The following CUX1 variants were observed in gnomAD, a reference collection of about 807,000 sequenced individuals.
CUX1 encodes the protein protein CASP.
In CUX1, 31 loss-of-function variants were observed where a neutral mutation model predicts 158.8. The observed-to-expected ratio is 0.20, with a 90% confidence interval of 0.15 to 0.26. The LOEUF (loss-of-function observed/expected upper bound fraction) is 0.26, where lower values mean the gene tolerates loss of function less well. CUX1 is among the 10% of genes least tolerant of loss of function. The pLI is 1.00. For synonymous variants in CUX1, 879 were observed against 862.1 expected, an observed-to-expected ratio of 1.02 and a Z score of -0.34; for missense variants, 1,589 against 2,014.6, an observed-to-expected ratio of 0.79 and a Z score of 4.04.
rs149897433 is a variant in CUX1, at chr7:101,839,648, TTGTC to T, written c.30+21982_30+21985del. ...CTTTTCAGATTTCGCCTTTTGTAAA[TTGTC>T]TGGTCATATATTTTGTCCTCTTTTT... On this transcript the variant is annotated intron_variant, in intron 1 of 23. Transcript: ENST00000292535. 3.6e-3 allele frequency among the ~76,000 whole-genome samples: 555 copies of T among 152,360 alleles called. 2 individuals are homozygous for T. The highest frequency in any genetic ancestry group is 0.013 in the African/African-American group (521 of 41,584).
chr7:101,816,028 A>G, upstream of CUX1: 1 of 1,426,966 alleles, frequency 7.0e-7, no homozygotes, highest in Non-Finnish European at 9.4e-7. Flanking sequence ...AATATGTCTC[A>G]AGATGGCGGC....
Position 102,182,291 on chromosome 7 carries a change from CTT to C in CUX1, c.1017+3637_1017+3638del, listed in dbSNP as rs538220513. ...AAGCAGAAGGCTTATTGGGCAGAAT[CTT>C]TTGTCCTGAGTTCACTGAGTTGTTT... On this transcript the variant is annotated intron_variant, in intron 11 of 23. Coordinates refer to ENST00000292535, the MANE Select transcript of CUX1 (RefSeq NM_181552.4). Among the ~76,000 whole-genome samples, 28 of 152,320 alleles carry C rather than the reference CTT, an allele frequency of 1.8e-4. 1 individual carries two copies. The highest frequency in any genetic ancestry group is 3.5e-4 in the Non-Finnish European group (24 of 68,028).
At chr7:102,190,640 G>A (rs1794173560) in intron 12 of CUX1, among the ~76,000 whole-genome samples, 1 of 152,182 alleles carries the variant, frequency 6.6e-6, no homozygotes, top group South Asian at 2.1e-4. Flanking sequence ...GCAAACGAAG[G>A]TTGCCTAGGG....
chr7:101,849,059 G>T (rs773789655), intron 1 of CUX1, among the ~76,000 whole-genome samples: 10 of 152,050 alleles, frequency 6.6e-5, no homozygotes, highest in Non-Finnish European at 1.2e-4. Flanking sequence ...TTCTTCCTTG[G>T]CAGCAGGTTT....
At chr7:101,880,356 G>A (rs987711327) in intron 1 of CUX1, among the ~76,000 whole-genome samples, 10 of 152,116 alleles carry the variant, frequency 6.6e-5, no homozygotes, top group Non-Finnish European at 1.2e-4. Flanking sequence ...GACGGTGTGC[G>A]TTCCCGGCAA....
chr7:102,106,103 T>TTG (rs1830323359), intron 6 of CUX1, among the ~76,000 whole-genome samples: 1 of 133,482 alleles, frequency 7.5e-6, no homozygotes, highest in Non-Finnish European at 1.6e-5. Flanking sequence ...TTTTTTTTTT[T>TTG]TTGAGATGGA....
downstream of CUX1, among the ~76,000 whole-genome samples, chr7:102,261,448 T>C (rs966909789): frequency 1.3e-5 from 2 of 151,586 alleles, no homozygotes; most frequent in Non-Finnish European, 2.9e-5. Context: ...GAGCCAAGAT[T>C]GCGCCACTGC....
intron 20 of CUX1, among the ~76,000 whole-genome samples, chr7:102,216,599 CA>C (rs1554524707): frequency 3.5e-4 from 6 of 17,014 alleles, no homozygotes; most frequent in Admixed American, 7.2e-4. Context: ...CACACACTCC[CA>C]CACACACACA....
chr7:102,279,598 C>G (rs1408978072), intron 18 of CUX1, among the ~76,000 whole-genome samples: 1 of 152,136 alleles, frequency 6.6e-6, no homozygotes, highest in East Asian at 1.9e-4. Flanking sequence ...CAGCAGCCCC[C>G]AGCCCTGTCC....
chr7:102,096,667 C>T (rs1554484268), intron 4 of CUX1, among the ~76,000 whole-genome samples: 1 of 152,172 alleles, frequency 6.6e-6, no homozygotes, highest in Non-Finnish European at 1.5e-5. Flanking sequence ...GATCATGCCA[C>T]TGCACTCCAG....
intron 20 of CUX1, among the ~76,000 whole-genome samples, chr7:102,217,712 G>A (rs1797388316): frequency 6.6e-6 from 1 of 150,846 alleles, no homozygotes; most frequent in South Asian, 2.1e-4. Flanking sequence ...GAGGGAGGGA[G>A]GATCTGGATG....
intron 15 of CUX1, 49 bp downstream of exon 15, chr7:102,197,354 T>C: frequency 1.3e-6 from 2 of 1,581,770 alleles, no homozygotes; most frequent in Non-Finnish European, 1.7e-6. Context: ...CGTCACAGAG[T>C]TGCACATGTG....
At chr7:102,181,560 G>A (rs1467488674) in intron 11 of CUX1, among the ~76,000 whole-genome samples, 2 of 152,118 alleles carry the variant, frequency 1.3e-5, no homozygotes, top group East Asian at 1.9e-4. Context: ...ATTAATGTTC[G>A]TTATCCGTAT....
chr7:102,250,489 G>T lies in CUX1; in HGVS notation c.*1447G>T, dbSNP rs868969732. On this transcript the variant is annotated 3_prime_UTR_variant, in exon 24 of 24. Coordinates refer to ENST00000292535, the MANE Select transcript of CUX1 (RefSeq NM_181552.4). ...TCTTCTTTCCCTTTTTCTTCCCACC[G>T]CAAGCACTGATGACCCTGTTGAACT... 1.0e-6 allele frequency: 1 copy of T among 985,384 alleles called. No individual in the cohort carries two copies. The highest frequency in any genetic ancestry group is 1.7e-5 in the African/African-American group (1 of 57,310). 61.0% of individuals were successfully genotyped at this position (985,384 alleles called of 1,614,324 possible).
In CUX1 at chr7:102,083,208, C is replaced by T. The variant is rs760543272; in HGVS notation, c.268+12791C>T. On this transcript the variant is annotated intron_variant, in intron 4 of 23. Transcript: ENST00000292535. The stretch of plus-strand genomic sequence containing the variant: ...AGTGAATGCGTAATGTATTTCACAA[C>T]GATTTTAGTTTGCATTTTCCTGATG... Among the ~76,000 whole-genome samples, 14 of 147,078 alleles carry T rather than the reference C, an allele frequency of 9.5e-5. 3 individuals are homozygous for T. Among genetic ancestry groups the T allele is most frequent in the Non-Finnish European group, 2.0e-4 (13 of 65,154 alleles).
At position 102,258,204 on chromosome 7, in the gene CUX1, T is replaced by A. The variant is rs1346147618; in HGVS notation, c.*9162T>A. 1 of 983,222 alleles carries A rather than the reference T, an allele frequency of 1.0e-6. No homozygotes were observed. The highest frequency in any genetic ancestry group is 4.7e-5 in the South Asian group (1 of 21,228). The allele number at this position is 983,222 out of a possible 1,614,324, so 60.9% of individuals were successfully genotyped here. The stretch of plus-strand genomic sequence containing the variant: ...TTCACTAGCACCCTAGGTGTGATAA[T>A]TGAAGTAAATATCTTTTATACAAAC... On this transcript the variant is annotated 3_prime_UTR_variant, in exon 24 of 24. Coordinates refer to ENST00000292535, the MANE Select transcript of CUX1 (RefSeq NM_181552.4).
chr7:102,068,891 C>T (rs1825834186), intron 3 of CUX1, among the ~76,000 whole-genome samples: 1 of 152,218 alleles, frequency 6.6e-6, no homozygotes, highest in South Asian at 2.1e-4. Flanking sequence ...CCAACCATGG[C>T]AGGCTCTTTG....
At chr7:102,109,795 A>C (rs1161996974) in intron 6 of CUX1, among the ~76,000 whole-genome samples, 1 of 152,008 alleles carries the variant, frequency 6.6e-6, no homozygotes, top group East Asian at 1.9e-4. Flanking sequence ...AAAAAAAAAA[A>C]AGAAAAAAGA....
Position 101,916,413 on chromosome 7 carries a change from T to A in CUX1, c.141+188T>A. On this transcript the variant is annotated intron_variant, in intron 2 of 23. Transcript: ENST00000292535. The surrounding 1 kb of genome is among the most constrained non-coding windows in gnomAD (Gnocchi z 4.4). Reference sequence around the variant, plus strand: ...CATGCCATCCTGCAGGCTGTGGGGATGTGGAAATTGATAGGTTGTCTGGAA... The same window carrying A: ...CATGCCATCCTGCAGGCTGTGGGGAAGTGGAAATTGATAGGTTGTCTGGAA... 1 of 499,276 alleles carries A rather than the reference T, an allele frequency of 2.0e-6. No homozygotes were observed. The allele number at this position is 499,276 out of a possible 1,614,324, so 30.9% of individuals were successfully genotyped here.
Sources: allele counts gnomAD v4.1 joint callset (sites outside exome capture counted in the v4.1 genomes callset), GRCh38; gene constraint gnomAD v4.1.1; non-coding constraint Gnocchi (gnomAD v3.1); transcripts MANE v1.5; gene names NCBI Gene and HGNC (gene_info 2026-07-23, HGNC 2026-07-21).